The following DNAH9 variants were observed in gnomAD, a reference collection of about 807,000 sequenced individuals.
The protein encoded by DNAH9 is DNAH9 variant protein.
DNAH9 carries 345 observed loss-of-function variants against 471.6 expected under a neutral mutation model. The observed-to-expected ratio is 0.73, with a 90% CI of 0.67 to 0.80. The LOEUF (loss-of-function observed/expected upper bound fraction) is 0.80. Among genes scored for constraint, DNAH9 ranks in the 30% least tolerant of loss-of-function variants. The pLI is 0.00. For synonymous variants in DNAH9, 2,093 were observed against 2,123.6 expected (o/e 0.99, Z 0.40); for missense variants, 5,407 against 5,609.2 (o/e 0.96, Z 1.15).
chr17:11,967,827 T>C (rs1286689244), intron 68 of DNAH9, among the ~76,000 whole-genome samples: 1 of 152,092 alleles, frequency 6.6e-6, no homozygotes, highest in East Asian at 1.9e-4. Flanking sequence ...ATAGACTTTA[T>C]AAGGTAAAAA....
intron 48 of DNAH9, among the ~76,000 whole-genome samples, chr17:11,823,808 TAGTCCCAGCCACTCAGGAGGCTGAG>T (rs1970398120): frequency 6.6e-6 from 1 of 151,968 alleles, no homozygotes; most frequent in Non-Finnish European, 1.5e-5. Context: ...CGGGTGCCTG[TAGTCCCAGCCACTCAGGAGGCTGAG>T]GCAGGAAAAT....
chr17:11,792,566 CAG>C (rs1969102808), intron 41 of DNAH9, among the ~76,000 whole-genome samples: 1 of 152,066 alleles, frequency 6.6e-6, no homozygotes, highest in Admixed American at 6.6e-5. Context: ...AAAAAGATGA[CAG>C]AGAAATTTGA....
At chr17:11,768,409 G>C in intron 36 of DNAH9, 44 bp from the exon 37 acceptor site, 1 of 1,592,416 alleles carries the variant, frequency 6.3e-7, no homozygotes, top group Non-Finnish European at 8.6e-7. Flanking sequence ...TGGGCTTCTT[G>C]AGTTCTGGAG....
intron 6 of DNAH9, among the ~76,000 whole-genome samples, chr17:11,621,027 G>A (rs926442393): frequency 6.6e-6 from 1 of 152,114 alleles, no homozygotes; most frequent in African/African-American, 2.4e-5. Context: ...CTATGTGTTT[G>A]CTGATTGGAC....
chr17:11,783,427 C>T (rs1341372979), intron 39 of DNAH9, among the ~76,000 whole-genome samples: 1 of 152,152 alleles, frequency 6.6e-6, no homozygotes, highest in African/African-American at 2.4e-5. Flanking sequence ...TCTTTTTGTC[C>T]ATCCTGCTGG....
chr17:11,748,413 C>G (rs1442234376), intron 32 of DNAH9, among the ~76,000 whole-genome samples: 4 of 152,236 alleles, frequency 2.6e-5, no homozygotes, highest in Non-Finnish European at 4.4e-5. Flanking sequence ...AGTGTTAATG[C>G]TGCCTGGCAG....
intron 26 of DNAH9, among the ~76,000 whole-genome samples, chr17:11,717,068 A>T (rs1360195070): frequency 6.6e-6 from 1 of 152,260 alleles, no homozygotes; most frequent in Non-Finnish European, 1.5e-5. Flanking sequence ...ACCAAATGGT[A>T]ACAGTGGCCA....
Position 11,969,340 on chromosome 17 carries a change from C to T in DNAH9, c.13274C>T (p.Pro4425Leu). The change falls in exon 69 of 69, where the codon CCC becomes CTC. Residue 4425 changes from proline to leucine, a missense_variant. By Grantham distance (98) the Pro-to-Leu change is moderately conservative. Coordinates refer to ENST00000262442, the MANE Select transcript of DNAH9 (RefSeq NM_001372.4). The part of the protein sequence containing the change: ...ITEAKLKDLT[P>L]PMPVMFIKAI... ...GAGGCAAAGCTGAAGGATCTGACAC[C>T]CCCTATGCCTGTGATGTTCATCAAG... The T allele has an allele frequency of 6.2e-7, 1 of 1,613,906 alleles. No individual in the cohort carries two copies.
intron 29 of DNAH9, 22 bp from the exon 30 acceptor site, chr17:11,742,153 C>T (rs372074678): frequency 1.2e-6 from 2 of 1,612,618 alleles, no homozygotes; most frequent in African/African-American, 2.7e-5. Flanking sequence ...ACTGACTGGG[C>T]CTTCTGTCTT....
intron 62 of DNAH9, among the ~76,000 whole-genome samples, chr17:11,928,269 T>C (rs1223411335): frequency 2.0e-5 from 3 of 152,044 alleles, no homozygotes; most frequent in Non-Finnish European, 2.9e-5. Flanking sequence ...CTGCACCCAG[T>C]CCTACAAAAC....
intron 14 of DNAH9, among the ~76,000 whole-genome samples, chr17:11,660,122 T>A (rs1024864846): frequency 6.6e-6 from 1 of 152,098 alleles, no homozygotes; most frequent in Non-Finnish European, 1.5e-5. Context: ...TGTTTTTTAG[T>A]ATTTCATTCA....
At position 11,932,187 on chromosome 17, in the gene DNAH9, C is replaced by T; in HGVS notation, c.12279C>T (p.Phe4093=). 5.6e-6 allele frequency: 9 copies of T among 1,613,994 alleles called. No individual in the cohort carries two copies. The highest frequency in any genetic ancestry group is 7.6e-6 in the Non-Finnish European group (9 of 1,179,960). ...LTISVNVLYN[F]LEANAKVPYD... is the part of the protein sequence containing the mutation. ...TCTCTGTGAATGTCCTCTACAACTT[C>T]CTGGAGGCCAACGCAAAGGTAAAGG... The change falls in exon 64 of 69, where the codon TTC becomes TTT. Residue 4093 remains phenylalanine (F), a synonymous_variant. Coordinates refer to ENST00000262442, the MANE Select transcript of DNAH9 (RefSeq NM_001372.4). This position sits in a 1 kb window ranked among gnomAD's most constrained non-coding sequence, Gnocchi z 4.3.
chr17:11,716,082 C>CTTTTTTT (rs61643065), intron 26 of DNAH9, among the ~76,000 whole-genome samples: 1 of 132,474 alleles, frequency 7.5e-6, no homozygotes, highest in Admixed American at 7.5e-5. Context: ...TTTTCTTTCT[C>CTTTTTTT]TTTTTTTTTT....
chr17:11,945,859 C>T (rs952911499), intron 67 of DNAH9, among the ~76,000 whole-genome samples: 1 of 151,284 alleles, frequency 6.6e-6, no homozygotes, highest in African/African-American at 2.4e-5. Context: ...GAGATCAAGA[C>T]CATCCTGGCT....
chr17:11,777,840 T>C (rs1968495662), intron 38 of DNAH9, among the ~76,000 whole-genome samples: 1 of 152,184 alleles, frequency 6.6e-6, no homozygotes. Context: ...ACACAAATCA[T>C]AGTGAAATCA....
At chr17:11,822,124 T>C in intron 46 of DNAH9, 62 bp downstream of exon 46, 51 of 1,552,512 alleles carry the variant, frequency 3.3e-5, no homozygotes, top group Non-Finnish European at 4.3e-5. Context: ...GAGCTTCCAC[T>C]GATATTTCGG....
intron 28 of DNAH9, among the ~76,000 whole-genome samples, chr17:11,738,095 A>G (rs1321170282): frequency 2.0e-5 from 3 of 152,168 alleles, no homozygotes; most frequent in Admixed American, 6.5e-5. Context: ...TGATGCCCCA[A>G]TTAGTAGCTG....
intron 45 of DNAH9, among the ~76,000 whole-genome samples, chr17:11,814,510 G>T (rs1169766925): frequency 1.3e-5 from 2 of 152,118 alleles, no homozygotes; most frequent in East Asian, 3.8e-4. Flanking sequence ...CCTGTCCCAG[G>T]CTAGATGACT....
intron 43 of DNAH9, among the ~76,000 whole-genome samples, chr17:11,805,444 C>T (rs929079184): frequency 1.3e-4 from 20 of 148,662 alleles, no homozygotes; most frequent in African/African-American, 4.2e-4. Flanking sequence ...TTAACACAGA[C>T]AGGAGCACAG....
Sources: allele counts gnomAD v4.1 joint callset (sites outside exome capture counted in the v4.1 genomes callset), GRCh38; gene constraint gnomAD v4.1.1; non-coding constraint Gnocchi (gnomAD v3.1); transcripts MANE v1.5; gene names NCBI Gene and HGNC (gene_info 2026-07-23, HGNC 2026-07-21).